Variants in STK3 observed in about 807,000 individuals in gnomAD.
The protein encoded by STK3 is serine/threonine-protein kinase 3.
STK3 carries 41 observed loss-of-function variants against 58.0 expected under a neutral mutation model. That is an observed-to-expected ratio of 0.71 (90% CI 0.55 to 0.92). The LOEUF is 0.92. Ranked by LOEUF, STK3 falls within the 40% of genes least tolerant of loss-of-function variation. The probability of loss-of-function intolerance (pLI) is 0.00; values close to 1 mark genes in which losing one functional copy is unlikely to be tolerated. For missense variants in STK3, 479 were observed against 602.7 expected, an observed-to-expected ratio of 0.79 and a Z score of 2.15; for synonymous variants, 170 against 191.0, an observed-to-expected ratio of 0.89 and a Z score of 0.91.
rs1837885108 is a variant in STK3, at chr8:98,883,836, T to C, written c.-78-2A>G. ...CCTGAAGAAGGGACATTGAATGGCC[T>C]ATTTGGAATAAAAGATTCACTCCTT... is the stretch of plus-strand genomic sequence containing the variant. On this transcript the variant is annotated splice_acceptor_variant, in intron 1 of 1. Coordinates refer to the STK3 transcript ENST00000519420. LOFTEE classifies it low-confidence loss of function (5UTR_SPLICE). 1.5e-6 allele frequency: 1 copy of C among 658,172 alleles called. No individual in the cohort carries two copies. Among genetic ancestry groups the C allele is most frequent in the South Asian group, 1.7e-5 (1 of 60,168 alleles). 40.8% of individuals were successfully genotyped at this position (658,172 alleles called of 1,614,324 possible). A position where few individuals can be genotyped will look rare whatever the true frequency, so the allele number is the denominator to read the frequency against.
chr8:98,346,136 T>C, the STK3 span, among the ~76,000 whole-genome samples: 2 of 151,752 alleles, frequency 1.3e-5, no homozygotes, highest in Non-Finnish European at 2.9e-5. Flanking sequence ...AATACAAAAA[T>C]TAGCCAGGCA....
chr8:98,367,355 G>A (rs1007621431), downstream of STK3, among the ~76,000 whole-genome samples: 1 of 152,202 alleles, frequency 6.6e-6, no homozygotes, highest in African/African-American at 2.4e-5. Context: ...GGGGGTGAGT[G>A]CTTAGGGATA....
At chr8:98,511,886 T>C (rs1055134629) in intron 10 of STK3, among the ~76,000 whole-genome samples, 1 of 152,196 alleles carries the variant, frequency 6.6e-6, no homozygotes, top group Non-Finnish European at 1.5e-5. Flanking sequence ...TATTAAATTG[T>C]TGCCAGTGAT....
At chr8:98,794,675 C>T (rs146919126) in intron 1 of STK3, among the ~76,000 whole-genome samples, 1 of 152,060 alleles carries the variant, frequency 6.6e-6, no homozygotes, top group Non-Finnish European at 1.5e-5. Flanking sequence ...AAGGATGCAT[C>T]ACCCTGATAC....
chr8:98,877,917 C>G (rs1369709290), intron 3 of STK3, among the ~76,000 whole-genome samples: 2 of 151,990 alleles, frequency 1.3e-5, no homozygotes, highest in East Asian at 3.8e-4. Flanking sequence ...TTGAGGAAAC[C>G]TAAAAGAAAT....
intron 3 of STK3, 116 bp downstream of exon 3, chr8:98,767,127 A>G (rs922131945): frequency 5.5e-5 from 71 of 1,281,302 alleles, no homozygotes; most frequent in Non-Finnish European, 6.8e-5. Flanking sequence ...GTCTCAAAAA[A>G]AAGAAAAGAA....
chr8:98,577,618 C>T (rs965370168), intron 8 of STK3, among the ~76,000 whole-genome samples: 8 of 152,166 alleles, frequency 5.3e-5, no homozygotes, highest in African/African-American at 1.9e-4. Flanking sequence ...ACTCTGAGAG[C>T]CCCTGAATGA....
intron 3 of STK3, among the ~76,000 whole-genome samples, chr8:98,867,143 G>T (rs139114967): frequency 1.3e-5 from 2 of 152,164 alleles, no homozygotes; most frequent in South Asian, 4.1e-4. Context: ...CTGGCCTGGC[G>T]CAGTGGTTCA....
chr8:98,724,379 G>A (rs77598821), intron 4 of STK3, among the ~76,000 whole-genome samples: 1 of 152,302 alleles, frequency 6.6e-6, no homozygotes, highest in East Asian at 1.9e-4. Context: ...GGTGACCAAA[G>A]AGGGAAAGAT....
At chr8:98,645,397 A>G (rs1360199240) in intron 6 of STK3, among the ~76,000 whole-genome samples, 2 of 152,200 alleles carry the variant, frequency 1.3e-5, no homozygotes, top group African/African-American at 4.8e-5. Context: ...GGAACACACA[A>G]GGCCTAAGAA....
intron 6 of STK3, among the ~76,000 whole-genome samples, chr8:98,696,852 C>G (rs1343860564): frequency 6.6e-6 from 1 of 152,152 alleles, no homozygotes; most frequent in Non-Finnish European, 1.5e-5. Flanking sequence ...GCTTTGGTAT[C>G]AGGATGACGC....
chr8:98,606,799 C>A (rs1586994327), intron 6 of STK3, among the ~76,000 whole-genome samples: 1 of 152,166 alleles, frequency 6.6e-6, no homozygotes, highest in African/African-American at 2.4e-5. Context: ...TTTGACTGGT[C>A]CTCCTGATTA....
intron 9 of STK3, among the ~76,000 whole-genome samples, chr8:98,538,648 G>C (rs1809982700): frequency 6.6e-6 from 1 of 152,198 alleles, no homozygotes; most frequent in South Asian, 2.1e-4. Context: ...AATGGTCACT[G>C]TATCTATGAA....
chr8:98,887,025 A>G (rs112558099), intron 1 of STK3, among the ~76,000 whole-genome samples: 2,773 of 152,194 alleles, frequency 0.018, 82 homozygotes, highest in African/African-American at 0.064. Context: ...TTGAACCAGG[A>G]GGCGGAGTTT....
chr8:98,634,217 G>A (rs1213865080), intron 6 of STK3, among the ~76,000 whole-genome samples: 1 of 152,118 alleles, frequency 6.6e-6, no homozygotes, highest in Non-Finnish European at 1.5e-5. Flanking sequence ...ATTGGGCCAG[G>A]CACAGTGGCC....
intron 10 of STK3, among the ~76,000 whole-genome samples, chr8:98,492,090 T>C (rs937994072): frequency 6.6e-6 from 1 of 152,220 alleles, no homozygotes; most frequent in Non-Finnish European, 1.5e-5. Flanking sequence ...GTGAAATCAG[T>C]ACATCATTCG....
the STK3 span, among the ~76,000 whole-genome samples, chr8:98,358,756 G>A: frequency 6.6e-6 from 1 of 152,246 alleles, no homozygotes; most frequent in East Asian, 1.9e-4. Flanking sequence ...CTGCAGTGAA[G>A]CGCCAAGCCT....
Position 98,376,342 on chromosome 8 carries a change from T to C in STK3, n.111+2811A>G, listed in dbSNP as rs1306986212. Among the ~76,000 whole-genome samples, 4 of 152,342 alleles carry C rather than the reference T, an allele frequency of 2.6e-5. No individual in the cohort carries two copies. The East Asian group carries it at 5.8e-4, about 22-fold the overall frequency. On this transcript the variant is annotated intron_variant and non_coding_transcript_variant, in intron 2 of 2. Coordinates refer to the STK3 transcript ENST00000518704. ...TACAAGTCCTTTGTCAGATGCGTGA[T>C]TTGCAAATATTTTCTCCTAGTCTGT...
At chr8:98,479,591 C>T (rs891190897) in intron 10 of STK3, among the ~76,000 whole-genome samples, 6 of 148,356 alleles carry the variant, frequency 4.0e-5, no homozygotes, top group Non-Finnish European at 8.9e-5. Context: ...AGATAATAAA[C>T]TGTGGACAAA....
Sources: gnomAD v4.1 joint callset for allele counts (sites outside exome capture counted in the v4.1 genomes callset) on GRCh38, gnomAD v4.1.1 for gene constraint, MANE v1.5 for transcripts, NCBI Gene and HGNC (gene_info 2026-07-23, HGNC 2026-07-21) for gene names.